GAREM1: variants seen among roughly 807,000 people sequenced by gnomAD.
The protein encoded by GAREM1 is GRB2-associated and regulator of MAPK protein 1.
GAREM1 carries 26 observed loss-of-function variants against 71.3 expected under a neutral mutation model. That is an observed-to-expected ratio of 0.36 (90% CI 0.27 to 0.51). The LOEUF is 0.51. Among genes scored for constraint, GAREM1 ranks in the 20% least tolerant of loss-of-function variants. The pLI, the probability that GAREM1 is intolerant of heterozygous loss-of-function variation, is 0.95. For synonymous variants in GAREM1, 440 were observed against 433.2 expected (o/e 1.02, Z -0.20); for missense variants, 1,026 against 1,103.1 (o/e 0.93, Z 0.99).
intron 3 of GAREM1, among the ~76,000 whole-genome samples, chr18:32,304,620 G>A (rs1442339018): frequency 7.2e-5 from 11 of 152,186 alleles, no homozygotes; most frequent in Non-Finnish European, 1.3e-4. Context: ...CAGCTTGCCC[G>A]CCTCCTTACT....
chr18:32,364,703 CTCTAA>C lies in GAREM1; in HGVS notation c.262+28187_262+28191del, dbSNP rs199834710. Among the ~76,000 whole-genome samples the C allele has an allele frequency of 2.9e-3, 437 of 152,262 alleles. 9 individuals carry two copies. Among genetic ancestry groups the C allele is most frequent in the Admixed American group, 0.023 (358 of 15,296 alleles). The stretch of plus-strand genomic sequence containing the variant: ...GTTGGTAAAATATACTTATAAAATT[CTCTAA>C]TCTAGCCTGTAGCATTGATGTACAG... On this transcript the variant is annotated intron_variant, in intron 2 of 5. Transcript: ENST00000269209.
At chr18:32,441,046 T>C (rs1245341493) in intron 1 of GAREM1, among the ~76,000 whole-genome samples, 2 of 152,144 alleles carry the variant, frequency 1.3e-5, no homozygotes, top group African/African-American at 2.4e-5. Flanking sequence ...CTCTTACAAG[T>C]GATGCTTAAG....
intron 1 of GAREM1, among the ~76,000 whole-genome samples, chr18:32,398,679 C>T (rs2144667519): frequency 6.6e-6 from 1 of 152,192 alleles, no homozygotes; most frequent in South Asian, 2.1e-4. Flanking sequence ...TAATTAATAG[C>T]TTACCAACCA....
At chr18:32,281,840 T>C (rs2046954228) in intron 4 of GAREM1, among the ~76,000 whole-genome samples, 1 of 152,170 alleles carries the variant, frequency 6.6e-6, no homozygotes, top group African/African-American at 2.4e-5. Context: ...TATGCCCAGA[T>C]GGCCTGAAGT....
intron 4 of GAREM1, among the ~76,000 whole-genome samples, chr18:32,286,426 T>C (rs888902484): frequency 3.3e-5 from 5 of 151,982 alleles, no homozygotes; most frequent in Non-Finnish European, 7.4e-5. Flanking sequence ...GAAAGAGTTA[T>C]AAGTGAGGCT....
rs146498252 is a variant in GAREM1, at chr18:32,287,367, C to T, written c.1230G>A (p.Gly410=). 19 of 1,614,082 alleles carry T rather than the reference C, an allele frequency of 1.2e-5. No homozygotes were observed. Among genetic ancestry groups the T allele is most frequent in the Non-Finnish European group, 1.4e-5 (17 of 1,180,040 alleles). Residue 410 remains glycine, a synonymous_variant, in exon 4 of 6, where the codon GGG becomes GGA. Transcript: ENST00000269209. This position sits in a 1 kb window ranked among gnomAD's most constrained non-coding sequence, Gnocchi z 5.9. ...EVNLHGCRDL[G]GDWAPFPHDI... is the part of the protein sequence containing the mutation. ...CATGAGGAAAGGGAGCCCAATCTCC[C>T]CCCAGGTCCCTGCAACCATGAAGGT...
intron 1 of GAREM1, among the ~76,000 whole-genome samples, chr18:32,398,841 A>G: frequency 6.6e-6 from 1 of 152,212 alleles, no homozygotes; most frequent in Non-Finnish European, 1.5e-5. Context: ...TCCTGATACC[A>G]AAGCCTGGCA....
intron 2 of GAREM1, among the ~76,000 whole-genome samples, chr18:32,364,020 ATATATATGTTTTTT>A (rs1171037066): frequency 6.1e-5 from 3 of 49,544 alleles, no homozygotes; most frequent in African/African-American, 4.6e-4. Context: ...ATATATATAT[ATATATATGTTTTTT>A]TTTTTTTTTT....
At chr18:32,353,520 T>G (rs1198181277) in intron 2 of GAREM1, among the ~76,000 whole-genome samples, 13 of 152,218 alleles carry the variant, frequency 8.5e-5, no homozygotes, top group Admixed American at 8.5e-4. Context: ...TGGCCTAAAG[T>G]ATTGAATTTC....
chr18:32,445,719 A>C (rs1315859792), intron 1 of GAREM1, among the ~76,000 whole-genome samples: 2 of 152,162 alleles, frequency 1.3e-5, no homozygotes, highest in Non-Finnish European at 2.9e-5. Flanking sequence ...TGTAATGTTC[A>C]ATCATCTTAC....
At chr18:32,376,318 T>C (rs1168339369) in intron 2 of GAREM1, among the ~76,000 whole-genome samples, 1 of 152,216 alleles carries the variant, frequency 6.6e-6, no homozygotes, top group Non-Finnish European at 1.5e-5. Context: ...GATGCTGCTC[T>C]GTACTACTTT....
intron 1 of GAREM1, among the ~76,000 whole-genome samples, chr18:32,463,848 C>T (rs1176199325): frequency 2.0e-5 from 3 of 151,738 alleles, no homozygotes; most frequent in African/African-American, 7.2e-5. Context: ...GGATTACAGG[C>T]GTGAGCCACT....
At chr18:32,347,936 A>C (rs2047711964) in intron 2 of GAREM1, among the ~76,000 whole-genome samples, 1 of 152,200 alleles carries the variant, frequency 6.6e-6, no homozygotes, top group Non-Finnish European at 1.5e-5. Flanking sequence ...AAGAGTTCAA[A>C]AATGGGAATG....
At chr18:32,335,061 T>G (rs1312997068) in intron 2 of GAREM1, among the ~76,000 whole-genome samples, 1 of 152,170 alleles carries the variant, frequency 6.6e-6, no homozygotes, top group African/African-American at 2.4e-5. Context: ...GGCACAATGA[T>G]TAATGACCCA....
In GAREM1 at chr18:32,264,233, T is replaced by G. The variant is rs1201965312; in HGVS notation, c.*3638A>C. On this transcript the variant is annotated 3_prime_UTR_variant, in exon 6 of 6. Coordinates refer to ENST00000269209, the MANE Select transcript of GAREM1 (RefSeq NM_001242409.2). ...AGTGGAAATTGATATAAGAGGCATG[T>G]TTCTGAAAGCCCCCTACGTCCAACA... The G allele has an allele frequency of 6.6e-6, 1 of 152,230 alleles. No individual in the cohort carries two copies. Among genetic ancestry groups the G allele is most frequent in the African/African-American group, 2.4e-5 (1 of 41,456 alleles). 9.4% of individuals were successfully genotyped at this position (152,230 alleles called of 1,614,324 possible).
intron 2 of GAREM1, among the ~76,000 whole-genome samples, chr18:32,348,570 G>A (rs986831995): frequency 1.3e-5 from 2 of 151,534 alleles, no homozygotes; most frequent in African/African-American, 2.4e-5. Context: ...CTAAAAATAC[G>A]AAAATTAGCT....
At chr18:32,425,612 A>T (rs557428561) in intron 1 of GAREM1, among the ~76,000 whole-genome samples, 1 of 152,332 alleles carries the variant, frequency 6.6e-6, no homozygotes, top group South Asian at 2.1e-4. Context: ...GCTAATTTTG[A>T]GGCTGAGTGC....
At chr18:32,290,016 G>C (rs2047065220) in intron 3 of GAREM1, among the ~76,000 whole-genome samples, 2 of 151,400 alleles carry the variant, frequency 1.3e-5, no homozygotes, top group Non-Finnish European at 1.5e-5. Context: ...AGTTAACTGA[G>C]TGTTGAGTGC....
chr18:32,348,502 T>C (rs574861590), intron 2 of GAREM1, among the ~76,000 whole-genome samples: 21 of 152,256 alleles, frequency 1.4e-4, no homozygotes, highest in African/African-American at 4.6e-4. Flanking sequence ...AGTGGGCAGA[T>C]CACTTGAGGC....
Sources: gnomAD v4.1 joint callset for allele counts (sites outside exome capture counted in the v4.1 genomes callset) on GRCh38, gnomAD v4.1.1 for gene constraint, Gnocchi (gnomAD v3.1) non-coding constraint, MANE v1.5 for transcripts, NCBI Gene and HGNC (gene_info 2026-07-23, HGNC 2026-07-21) for gene names.